Variants in NKAIN2 observed in about 807,000 individuals in gnomAD.
The protein encoded by NKAIN2 is sodium/potassium transporting ATPase interacting 2.
In NKAIN2, 14 loss-of-function variants were observed where a neutral mutation model predicts 32.6. The ratio of observed to expected loss-of-function variants is 0.43; its 90% CI spans 0.28 to 0.67. The LOEUF (loss-of-function observed/expected upper bound fraction) is 0.67, where lower values mean the gene tolerates loss of function less well. NKAIN2 is among the 30% of genes least tolerant of loss of function. The probability of loss-of-function intolerance (pLI) is 0.17; values close to 1 mark genes in which losing one functional copy is unlikely to be tolerated. For synonymous variants in NKAIN2, 80 were observed against 87.2 expected, an observed-to-expected ratio of 0.92 and a Z score of 0.46; for missense variants, 198 against 258.3, an observed-to-expected ratio of 0.77 and a Z score of 1.60.
At chr6:124,033,427 A>G (rs1449451444) in intron 1 of NKAIN2, among the ~76,000 whole-genome samples, 2 of 152,132 alleles carry the variant, frequency 1.3e-5, no homozygotes, top group Admixed American at 1.3e-4. Flanking sequence ...AGTAGGGGGA[A>G]GAAAGCTAAC....
intron 4 of NKAIN2, among the ~76,000 whole-genome samples, chr6:124,728,162 C>T (rs1418582123): frequency 8.0e-6 from 1 of 125,098 alleles, no homozygotes; most frequent in Non-Finnish European, 1.7e-5. Context: ...GACAGAAAGT[C>T]AACAAGGATA....
intron 3 of NKAIN2, among the ~76,000 whole-genome samples, chr6:124,407,930 AT>A (rs1773946367): frequency 6.7e-6 from 1 of 150,344 alleles, no homozygotes; most frequent in Admixed American, 6.6e-5. Flanking sequence ...TTTGATTTGC[AT>A]TTCTCTGATG....
intron 1 of NKAIN2, among the ~76,000 whole-genome samples, chr6:124,201,724 A>T (rs1302977170): frequency 6.6e-6 from 1 of 152,020 alleles, no homozygotes; most frequent in African/African-American, 2.4e-5. Flanking sequence ...CGTCCTTTCA[A>T]ACATGTGCTG....
intron 1 of NKAIN2, among the ~76,000 whole-genome samples, chr6:123,997,024 A>C (rs890839030): frequency 5.9e-5 from 9 of 152,216 alleles, no homozygotes; most frequent in African/African-American, 2.2e-4. Flanking sequence ...TGTCCTTAAA[A>C]TAATATTGGC....
chr6:124,576,494 A>C (rs1781340166), intron 3 of NKAIN2, among the ~76,000 whole-genome samples: 1 of 152,246 alleles, frequency 6.6e-6, no homozygotes, highest in Non-Finnish European at 1.5e-5. Flanking sequence ...TTACAAATAT[A>C]TGAAGATATT....
intron 3 of NKAIN2, among the ~76,000 whole-genome samples, chr6:124,656,091 C>T (rs1784528330): frequency 6.6e-6 from 1 of 152,028 alleles, no homozygotes. Flanking sequence ...GCTTTGGTAA[C>T]CAAACATTAA....
rs116479843 is a variant in NKAIN2 at position 124,373,151 on chromosome 6, A to G, written c.273+17804A>G. ...GGAGGCAGTAAAAAGTATATATCCT[A>G]ATGTCATATAAGATTACATCTAGTT... On this transcript the variant is annotated intron_variant, in intron 3 of 6. Coordinates refer to ENST00000368417, the MANE Select transcript of NKAIN2 (RefSeq NM_001040214.3). Among the ~76,000 whole-genome samples the G allele has an allele frequency of 3.1e-3, 475 of 152,240 alleles. 5 individuals are homozygous for G. Among genetic ancestry groups the G allele is most frequent in the African/African-American group, 0.011 (453 of 41,540 alleles).
intron 1 of NKAIN2, among the ~76,000 whole-genome samples, chr6:124,156,300 T>A (rs1787984227): frequency 6.6e-6 from 1 of 152,054 alleles, no homozygotes; most frequent in Non-Finnish European, 1.5e-5. Context: ...GGCTTTAAAA[T>A]TGGTTTCGAT....
chr6:124,102,819 T>C (rs895304949), intron 1 of NKAIN2, among the ~76,000 whole-genome samples: 3 of 152,242 alleles, frequency 2.0e-5, no homozygotes, highest in African/African-American at 7.2e-5. Flanking sequence ...GTTTCAAATA[T>C]GTAATTCTTG....
chr6:124,498,904 T>C (rs138861493), intron 3 of NKAIN2, among the ~76,000 whole-genome samples: 2,308 of 152,192 alleles, frequency 0.015, 63 homozygotes, highest in African/African-American at 0.053. Flanking sequence ...AAACAATATT[T>C]ATATCTCTTT....
At chr6:123,835,582 ACTCT>A (rs745524437) in intron 1 of NKAIN2, among the ~76,000 whole-genome samples, 12 of 151,908 alleles carry the variant, frequency 7.9e-5, no homozygotes, top group African/African-American at 1.9e-4. Flanking sequence ...TTTGGAAGAG[ACTCT>A]CTATGTGCAG....
intron 3 of NKAIN2, among the ~76,000 whole-genome samples, chr6:124,473,498 A>G (rs1777060111): frequency 6.6e-6 from 1 of 152,060 alleles, no homozygotes; most frequent in African/African-American, 2.4e-5. Flanking sequence ...AGTAACTAGT[A>G]TTTTTTTCCT....
Position 124,359,617 on chromosome 6 carries a change from C to T in NKAIN2, c.273+4270C>T, listed in dbSNP as rs6928597. ...AGAATGCTTGTGATTTTTGCACATT[C>T]ATTTTGTATCCTGAGACTTTGCTGA... On this transcript the variant is annotated intron_variant, in intron 3 of 6. Coordinates refer to ENST00000368417, the MANE Select transcript of NKAIN2 (RefSeq NM_001040214.3). 9.2e-3 allele frequency among the ~76,000 whole-genome samples: 1,403 copies of T among 151,994 alleles called. 26 individuals are homozygous for T. Among genetic ancestry groups the T allele is most frequent in the African/African-American group, 0.032 (1,330 of 41,436 alleles).
intron 1 of NKAIN2, among the ~76,000 whole-genome samples, chr6:123,944,408 A>G (rs170982): frequency 0.095 from 14,444 of 151,714 alleles, 2,201 homozygotes; most frequent in African/African-American, 0.32. Context: ...TTGACTCCCC[A>G]CCTTTGTCTT....
intron 1 of NKAIN2, among the ~76,000 whole-genome samples, chr6:124,064,103 A>G (rs1783045801): frequency 6.6e-6 from 1 of 151,946 alleles, no homozygotes; most frequent in South Asian, 2.1e-4. Flanking sequence ...GGTGCCTGCC[A>G]CCATGCCCGG....
intron 2 of NKAIN2, among the ~76,000 whole-genome samples, chr6:124,323,309 T>C (rs914090007): frequency 1.3e-5 from 2 of 152,194 alleles, no homozygotes; most frequent in African/African-American, 4.8e-5. Flanking sequence ...TTTTGTCTTA[T>C]GAATTACGTT....
chr6:123,889,360 C>T (rs537113065), intron 1 of NKAIN2, among the ~76,000 whole-genome samples: 2 of 152,148 alleles, frequency 1.3e-5, no homozygotes, highest in Admixed American at 6.6e-5. Flanking sequence ...CCCTTTTCTA[C>T]CCCAGAATGA....
chr6:124,694,540 C>T (rs1774405030), intron 4 of NKAIN2, among the ~76,000 whole-genome samples: 1 of 152,208 alleles, frequency 6.6e-6, no homozygotes, highest in African/African-American at 2.4e-5. Flanking sequence ...CCCTAGAAAG[C>T]ATTTCTTCAT....
chr6:124,282,608 C>T (rs759756079), intron 1 of NKAIN2, among the ~76,000 whole-genome samples: 1 of 152,210 alleles, frequency 6.6e-6, no homozygotes, highest in Non-Finnish European at 1.5e-5. Flanking sequence ...TTCCTTTGTT[C>T]TATTCTCAAC....
Sources: gnomAD v4.1 joint callset for allele counts (sites outside exome capture counted in the v4.1 genomes callset) on GRCh38, gnomAD v4.1.1 for gene constraint, MANE v1.5 for transcripts, NCBI Gene and HGNC (gene_info 2026-07-23, HGNC 2026-07-21) for gene names.